Variants in APELA observed in about 807,000 individuals in gnomAD.
The protein encoded by APELA is protein Elabela.
chr4:164,889,952 A>G (rs955498936), intron 2 of APELA, among the ~76,000 whole-genome samples: 7 of 152,220 alleles, frequency 4.6e-5, no homozygotes, highest in South Asian at 2.1e-4. Flanking sequence ...TGCAAATACT[A>G]CACCATTTTA....
chr4:164,891,102 T>G (rs1180732875), intron 2 of APELA, among the ~76,000 whole-genome samples: 1 of 152,324 alleles, frequency 6.6e-6, no homozygotes, highest in South Asian at 2.1e-4. Context: ...GTAAGATATA[T>G]ATATATGTGT....
intron 1 of APELA, among the ~76,000 whole-genome samples, chr4:164,877,916 TAAAAC>T (rs1170034278): frequency 1.3e-5 from 2 of 152,154 alleles, no homozygotes; most frequent in Non-Finnish European, 1.5e-5. Context: ...GCATGTCACT[TAAAAC>T]AAATAAGTGC....
intron 2 of APELA, among the ~76,000 whole-genome samples, chr4:164,887,485 T>A (rs190013956): frequency 8.5e-5 from 13 of 152,230 alleles, no homozygotes; most frequent in African/African-American, 2.9e-4. Flanking sequence ...CATATACACA[T>A]CCACATACCC....
downstream of APELA, chr4:164,898,992 T>A (rs1340732919): frequency 6.6e-6 from 1 of 152,060 alleles, no homozygotes; most frequent in Non-Finnish European, 1.5e-5. Context: ...CATCAAAATT[T>A]TAGATAAACA....
intron 2 of APELA, among the ~76,000 whole-genome samples, chr4:164,889,311 C>T (rs73000200): frequency 0.064 from 9,761 of 152,102 alleles, 357 homozygotes; most frequent in Non-Finnish European, 0.075. Flanking sequence ...CTAATAGCAA[C>T]ATTTTTATAT....
downstream of APELA, among the ~76,000 whole-genome samples, chr4:164,898,118 T>G (rs1249873419): frequency 6.6e-6 from 1 of 151,442 alleles, no homozygotes; most frequent in African/African-American, 2.4e-5. Flanking sequence ...CCCGAACTCC[T>G]GACCTCAAGT....
chr4:164,886,947 T>A (rs1001513547), intron 2 of APELA, among the ~76,000 whole-genome samples: 1 of 151,980 alleles, frequency 6.6e-6, no homozygotes, highest in African/African-American at 2.4e-5. Flanking sequence ...TGGCTCAGCC[T>A]CCCAAGTAGC....
At chr4:164,894,499 C>G (rs1730937192) in intron 2 of APELA, among the ~76,000 whole-genome samples, 1 of 151,858 alleles carries the variant, frequency 6.6e-6, no homozygotes, top group South Asian at 2.1e-4. Flanking sequence ...TCACTGCAAC[C>G]TCTTTCTTCC....
At position 164,886,033 on chromosome 4, in the gene APELA, C is replaced by T. The variant is rs1223408176; in HGVS notation, c.*1+7024C>T. ...TTTAAAATAAACTTCATCCTCCTAA[C>T]AATCACAGCACTTTTAGTAGTAGGC... On this transcript the variant is annotated intron_variant, in intron 2 of 2. Coordinates refer to ENST00000507152, the MANE Select transcript of APELA (RefSeq NM_001297550.2). Among the ~76,000 whole-genome samples the T allele has an allele frequency of 3.3e-5, 5 of 152,220 alleles. No individual in the cohort carries two copies. In the East Asian group the frequency reaches 9.6e-4, roughly 29 times the overall value.
intron 1 of APELA, among the ~76,000 whole-genome samples, chr4:164,878,481 G>C (rs939107530): frequency 2.0e-5 from 3 of 152,204 alleles, no homozygotes; most frequent in Admixed American, 2.0e-4. Flanking sequence ...CAGCAACTCT[G>C]AGAAAGCAGC....
chr4:164,883,281 A>G (rs1730695772), intron 2 of APELA, among the ~76,000 whole-genome samples: 1 of 152,244 alleles, frequency 6.6e-6, no homozygotes, highest in Non-Finnish European at 1.5e-5. Flanking sequence ...TCTGCACTTC[A>G]TATTCCTATT....
At chr4:164,891,487 T>C (rs1230959626) in intron 2 of APELA, among the ~76,000 whole-genome samples, 1 of 152,224 alleles carries the variant, frequency 6.6e-6, no homozygotes, top group Non-Finnish European at 1.5e-5. Context: ...GCTTTTGTAG[T>C]ATTCAGAGTA....
intron 2 of APELA, among the ~76,000 whole-genome samples, chr4:164,883,287 C>T (rs1300075411): frequency 6.6e-6 from 1 of 152,126 alleles, no homozygotes; most frequent in African/African-American, 2.4e-5. Context: ...CTTCATATTC[C>T]TATTCAACTA....
At chr4:164,886,488 C>T (rs1456365695) in intron 2 of APELA, among the ~76,000 whole-genome samples, 1 of 151,856 alleles carries the variant, frequency 6.6e-6, no homozygotes, top group Non-Finnish European at 1.5e-5. Context: ...ACTGTCTCTA[C>T]AAAAAATACA....
intron 2 of APELA, among the ~76,000 whole-genome samples, chr4:164,886,339 G>T (rs1730769892): frequency 6.6e-6 from 1 of 152,160 alleles, no homozygotes. Flanking sequence ...TTACTGATGA[G>T]ATAAAACTTT....
At chr4:164,893,567 T>A (rs1312620014) in intron 2 of APELA, among the ~76,000 whole-genome samples, 1 of 152,208 alleles carries the variant, frequency 6.6e-6, no homozygotes, top group Non-Finnish European at 1.5e-5. Flanking sequence ...TCATTCTTTG[T>A]CTCTAGTAAT....
At chr4:164,894,839 T>C (rs1579113949) in intron 2 of APELA, among the ~76,000 whole-genome samples, 1 of 152,230 alleles carries the variant, frequency 6.6e-6, no homozygotes, top group African/African-American at 2.4e-5. Flanking sequence ...TTCATTTTTA[T>C]GTTCAAATTT....
At chr4:164,888,617 A>C (rs1046579881) in intron 2 of APELA, among the ~76,000 whole-genome samples, 1 of 152,180 alleles carries the variant, frequency 6.6e-6, no homozygotes, top group African/African-American at 2.4e-5. Context: ...ACACTTGTAC[A>C]TATTCAGTCT....
intron 2 of APELA, among the ~76,000 whole-genome samples, chr4:164,891,299 C>T (rs1481737122): frequency 2.6e-5 from 4 of 151,914 alleles, no homozygotes; most frequent in Non-Finnish European, 4.4e-5. Flanking sequence ...AAAAAATAAT[C>T]GAAGGTCACA....
Sources: allele counts gnomAD v4.1 joint callset (sites outside exome capture counted in the v4.1 genomes callset), GRCh38; gene constraint gnomAD v4.1.1; transcripts MANE v1.5; gene names NCBI Gene and HGNC (gene_info 2026-07-23, HGNC 2026-07-21).